The following FN1 variants were observed in gnomAD, a reference collection of about 807,000 sequenced individuals.
The protein encoded by FN1 is fibronectin.
Under a neutral mutation model 297.3 loss-of-function variants are expected in FN1, and 106 were observed. That is an observed-to-expected ratio of 0.36 (90% CI 0.30 to 0.42). The LOEUF is 0.42. Among genes scored for constraint, FN1 ranks in the 10% least tolerant of loss-of-function variants. The probability of loss-of-function intolerance (pLI) is 1.00; values close to 1 mark genes in which losing one functional copy is unlikely to be tolerated. For synonymous variants in FN1, 1,149 were observed against 1,152.6 expected, an observed-to-expected ratio of 1.00 and a Z score of 0.06; for missense variants, 2,690 against 3,124.9, an observed-to-expected ratio of 0.86 and a Z score of 3.32.
rs2106302706 is a variant in FN1 at position 215,410,004 on chromosome 2, G to C, written c.2052C>G (p.Ile684Met). The C allele has an allele frequency of 6.2e-7, 1 of 1,614,052 alleles. No individual in the cohort carries two copies. The highest frequency in any genetic ancestry group is 8.5e-7 in the Non-Finnish European group (1 of 1,180,032). Reference sequence around the variant, plus strand: ...TCACTTCTTGGTGGCCGTACTGCTGGATGCTGATGAGCTGGCCCTCGTATA... The same window carrying C: ...TCACTTCTTGGTGGCCGTACTGCTGCATGCTGATGAGCTGGCCCTCGTATA... ...GVVYEGQLIS[I>M]QQYGHQEVTR... The change falls in exon 14 of 46, where the codon ATC becomes ATG. Residue 684 changes from isoleucine (I) to methionine (M), a missense_variant. Ile to Met is a conservative substitution (Grantham distance 10, BLOSUM62 1). Coordinates refer to ENST00000354785, the MANE Select transcript of FN1 (RefSeq NM_212482.4).
chr2:215,371,982 C>T lies in FN1; in HGVS notation c.6641G>A (p.Trp2214Ter). The T allele has an allele frequency of 6.2e-7, 1 of 1,614,168 alleles. No homozygotes were observed. Among genetic ancestry groups the T allele is most frequent in the Non-Finnish European group, 8.5e-7 (1 of 1,180,028 alleles). ...CTCAGAAGTGTCCTGGAATGGGGCC[C>T]ATGAGATGGTTGTCTGAGAGAGAGC... ...QEALSQTTISWAPFQDTSEYI... is the reference protein window; with the variant it reads ...QEALSQTTIS Residue 2214 changes from tryptophan to a stop codon, truncating the protein, a stop_gained, in exon 40 of 46, where the codon TGG (tryptophan) becomes TAG (stop). Transcript: ENST00000354785. LOFTEE classifies it high-confidence loss of function.
At position 215,408,279 on chromosome 2, in the gene FN1, CTATG is replaced by C. The variant is rs1275216702; in HGVS notation, c.2428+15_2428+18del. ...TTTACAGAAAAAGATTCTTTTAACA[CTATG>C]TAGCACACATGTACCTGTTGTTTGT... On this transcript the variant is annotated intron_variant, in intron 16 of 45. Transcript: ENST00000354785. 6.2e-7 allele frequency: 1 copy of C among 1,614,142 alleles called. No homozygotes were observed. The highest frequency in any genetic ancestry group is 1.7e-5 in the Admixed American group (1 of 60,022).
At chr2:215,382,875 A>T (rs1449494638) in intron 31 of FN1, among the ~76,000 whole-genome samples, 1 of 152,192 alleles carries the variant, frequency 6.6e-6, no homozygotes, top group Non-Finnish European at 1.5e-5. Context: ...GAACTCATGA[A>T]TGGGGACAAT....
intron 36 of FN1, 21 bp from the exon 37 acceptor site, chr2:215,375,739 A>AT (rs1351793708): frequency 8.0e-6 from 12 of 1,501,026 alleles, no homozygotes; most frequent in Non-Finnish European, 1.1e-5. Flanking sequence ...AGAAGAGATG[A>AT]TTTTTAACAG....
At chr2:215,422,015 C>T (rs922721350) in intron 10 of FN1, 76 bp downstream of exon 10, 3 of 1,386,138 alleles carry the variant, frequency 2.2e-6, no homozygotes, top group African/African-American at 2.8e-5. Flanking sequence ...TGGCATAGTG[C>T]AAGTTTTCAT....
intron 20 of FN1, among the ~76,000 whole-genome samples, chr2:215,403,437 G>A (rs191086771): frequency 4.3e-4 from 66 of 152,198 alleles, no homozygotes; most frequent in African/African-American, 1.4e-3. Flanking sequence ...TAAATTAGTC[G>A]AAGAGTAACA....
Position 215,401,197 on chromosome 2 carries a change from GAAAAGAAAGAAA to G in FN1, c.3254-1858_3254-1847del, listed in dbSNP as rs774942143. ...AGAGAGAGAGTGAGAGAGAAAGAAA[GAAAAGAAAGAAA>G]GAAAGAAAGAAAGAAAGAAAGAAAG... On this transcript the variant is annotated intron_variant, in intron 20 of 45. Transcript: ENST00000354785. 9.0e-3 allele frequency among the ~76,000 whole-genome samples: 697 copies of G among 77,520 alleles called. 8 individuals are homozygous for G. The highest frequency in any genetic ancestry group is 0.014 in the African/African-American group (222 of 15,614). 50.9% of individuals were successfully genotyped at this position (77,520 alleles called of 152,430 possible).
chr2:215,381,329 A>C, intron 32 of FN1: 2 of 534,478 alleles, frequency 3.7e-6, no homozygotes, highest in Non-Finnish European at 6.7e-6. Context: ...TGTCCCCACA[A>C]TGGGGATGTA....
Position 215,392,609 on chromosome 2 carries a change from G to T in FN1, c.4069+322C>A, listed in dbSNP as rs559371891. On this transcript the variant is annotated intron_variant, in intron 25 of 45. Transcript: ENST00000354785. Reference sequence around the variant, plus strand: ...GGTACTTACGCAATTTGGTATTCGTGTTTGGTATTTAAGACGAAAAATTCT... The same window carrying T: ...GGTACTTACGCAATTTGGTATTCGTTTTTGGTATTTAAGACGAAAAATTCT... 4 of 372,100 alleles carry T rather than the reference G, an allele frequency of 1.1e-5. No individual in the cohort carries two copies. The Admixed American group carries it at 1.6e-4, about 15-fold the overall frequency. 23.0% of individuals were successfully genotyped at this position (372,100 alleles called of 1,614,324 possible).
At chr2:215,428,149 A>G (rs1337378072) in intron 6 of FN1, 31 bp downstream of exon 6, 5 of 1,612,796 alleles carry the variant, frequency 3.1e-6, no homozygotes, top group Non-Finnish European at 4.2e-6. Context: ...CTGCTTCCCC[A>G]TTTCCCGCCC....
At chr2:215,407,558 C>T (rs1419983555) in intron 17 of FN1, among the ~76,000 whole-genome samples, 2 of 152,142 alleles carry the variant, frequency 1.3e-5, no homozygotes, top group Non-Finnish European at 2.9e-5. Context: ...TCCTTGAAGA[C>T]CTGACATCCT....
chr2:215,412,760 C>CTTTTTTTTTTTTTTTTTTTTTTTTTTTTT (rs10524797), intron 13 of FN1, among the ~76,000 whole-genome samples: 2 of 97,570 alleles, frequency 2.0e-5, no homozygotes, highest in African/African-American at 4.3e-5. Flanking sequence ...TATTAAGTAT[C>CTTTTTTTTTTTTTTTTTTTTTTTTTTTTT]TTTTTTTTTT....
At chr2:215,405,078 A>T (rs2061600175) in intron 19 of FN1, among the ~76,000 whole-genome samples, 1 of 152,246 alleles carries the variant, frequency 6.6e-6, no homozygotes, top group Non-Finnish European at 1.5e-5. Flanking sequence ...ATGGGTCAAA[A>T]GCAATATTCT....
In FN1 at chr2:215,367,977, T is replaced by G. The variant is rs2054983595; in HGVS notation, c.6904A>C (p.Thr2302Pro). The change falls in exon 42 of 46, where the codon ACA becomes CCA. Residue 2302 changes from threonine to proline, a missense_variant. Thr to Pro is a conservative substitution (Grantham distance 38). This residue lies in a region of FN1 where 1,743 missense variants were observed against 1,945.2 expected (regional missense o/e 0.90). Coordinates refer to ENST00000354785, the MANE Select transcript of FN1 (RefSeq NM_212482.4). ...PTDDSCFDPY[T>P]VSHYAVGDEW... ...TCTCCAACGGCATAATGGGAAACTG[T>G]GTAGGGGTCAAAGCACGAGTCATCC... 13 of 1,614,170 alleles carry G rather than the reference T, an allele frequency of 8.1e-6. No individual in the cohort carries two copies. Among genetic ancestry groups the G allele is most frequent in the African/African-American group, 1.3e-5 (1 of 75,046 alleles).
At chr2:215,412,548 C>T (rs1423064602) in intron 13 of FN1, among the ~76,000 whole-genome samples, 16 of 152,022 alleles carry the variant, frequency 1.1e-4, no homozygotes, top group East Asian at 5.8e-4. Context: ...GCGATCCTTC[C>T]GCCTCAGCCT....
rs141048139 is a variant in FN1 at position 215,388,771 on chromosome 2, G to A, written c.4253-470C>T. Among the ~76,000 whole-genome samples, 732 of 152,220 alleles carry A rather than the reference G, an allele frequency of 4.8e-3. 3 individuals carry two copies. The highest frequency in any genetic ancestry group is 0.017 in the African/African-American group (688 of 41,520). ...TAAAGTGATGGGTTTTTACATATGT[G>A]TGACTTGGGAGACCATCACCGCATT... On this transcript the variant is annotated intron_variant, in intron 26 of 45. Transcript: ENST00000354785.
In FN1 at chr2:215,375,381, G is replaced by A. The variant is rs1314766785; in HGVS notation, c.5990C>T (p.Pro1997Leu). ...GGTGGCCAGGAAACGCAGGTTGGAT[G>A]GTGCATCAATGGCTGAAAGAAAACA... Reference protein sequence around the residue: ...VIDASTAIDAPSNLRFLATTP... With the variant: ...VIDASTAIDALSNLRFLATTP... Residue 1997 changes from proline to leucine, a missense_variant, in exon 38 of 46, where the codon CCA (proline) becomes CTA (leucine). Around this residue, in one of 3 missense-constraint regions of FN1, gnomAD observed 1,743 missense variants for 1,945.2 expected, o/e 0.90. Transcript: ENST00000354785. The A allele has an allele frequency of 6.2e-7, 1 of 1,610,802 alleles. No homozygotes were observed. The highest frequency in any genetic ancestry group is 8.5e-7 in the Non-Finnish European group (1 of 1,179,484).
rs200845774 is a variant in FN1 at position 215,404,484 on chromosome 2, A to T, written c.3158T>A (p.Leu1053Gln). 6.2e-7 allele frequency: 1 copy of T among 1,614,030 alleles called. No homozygotes were observed. The highest frequency in any genetic ancestry group is 1.7e-5 in the Admixed American group (1 of 60,010). The change falls in exon 20 of 46, where the codon CTG becomes CAG. Residue 1053 changes from leucine to glutamine, a missense_variant. By Grantham distance (113) the Leu-to-Gln change is moderately radical. Transcript: ENST00000354785. The stretch of plus-strand genomic sequence containing the variant: ...CTCAGATGCAGGCTGCAGATTCCTC[A>T]GTGGGTACTTGGAGACAGAGGGACC... ...NVGPSVSKYPLRNLQPASEYT... is the reference protein window; with the variant it reads ...NVGPSVSKYPQRNLQPASEYT...
In FN1 at chr2:215,391,751, C is replaced by T; in HGVS notation, c.4133G>A (p.Trp1378Ter). 1 of 1,614,126 alleles carries T rather than the reference C, an allele frequency of 6.2e-7. No individual in the cohort carries two copies. The highest frequency in any genetic ancestry group is 8.5e-7 in the Non-Finnish European group (1 of 1,180,008). The change falls in exon 26 of 46, where the codon TGG (tryptophan) becomes TAG (stop). Residue 1378 changes from tryptophan to a stop codon, truncating the protein, a stop_gained. Coordinates refer to ENST00000354785, the MANE Select transcript of FN1 (RefSeq NM_212482.4). LOFTEE classifies it high-confidence loss of function. ...NIGPDTMRVT[W>*]APPPSIDLTN... ...TAAATCAATGGATGGGGGTGGAGCC[C>T]AGGTGACACGCATGGTGTCTGGACC...
Sources: gnomAD v4.1 joint callset for allele counts (sites outside exome capture counted in the v4.1 genomes callset) on GRCh38, gnomAD v4.1.1 for gene constraint, gnomAD v4.1.1 regional missense constraint, MANE v1.5 for transcripts, NCBI Gene and HGNC (gene_info 2026-07-23, HGNC 2026-07-21) for gene names.